SLC5A4: variants seen among roughly 807,000 people sequenced by gnomAD.
SLC5A4 encodes the protein solute carrier family 5 member 4, also known as probable glucose sensor protein SLC5A4.
SLC5A4 carries 55 observed loss-of-function variants against 70.3 expected under a neutral mutation model. That is an observed-to-expected ratio of 0.78 (90% CI 0.63 to 0.98). The LOEUF is 0.98. Among genes scored for constraint, SLC5A4 ranks in the 50% least tolerant of loss-of-function variants. SLC5A4 has a pLI of 0.00. For missense variants in SLC5A4, 735 were observed against 839.2 expected (o/e 0.88, Z 1.53); for synonymous variants, 268 against 305.7 (o/e 0.88, Z 1.29).
At chr22:32,292,161 T>C in the SLC5A4 span, among the ~76,000 whole-genome samples, 6 of 50,512 alleles carry the variant, frequency 1.2e-4, 1 homozygote, top group Non-Finnish European at 4.1e-5. Context: ...ATATTATATA[T>C]ATAATATATA....
At chr22:32,302,250 GTT>G in the SLC5A4 span, among the ~76,000 whole-genome samples, 10 of 107,238 alleles carry the variant, frequency 9.3e-5, no homozygotes, top group Admixed American at 3.0e-4. Context: ...ACTTTTGAGT[GTT>G]TTTTTTTTTT....
At chr22:32,337,307 C>CG in the SLC5A4 span, among the ~76,000 whole-genome samples, 14 of 152,308 alleles carry the variant, frequency 9.2e-5, no homozygotes, top group African/African-American at 2.9e-4. Flanking sequence ...CCAAGGCAGG[C>CG]GGATTGCCTG....
chr22:32,323,259 C>T, the SLC5A4 span, among the ~76,000 whole-genome samples: 17,781 of 152,204 alleles, frequency 0.12, 1,414 homozygotes, highest in Non-Finnish European at 0.18. Context: ...CACCCCCTCC[C>T]CTGCATGCTT....
At chr22:32,257,065 C>T (rs191565076), upstream of SLC5A4, among the ~76,000 whole-genome samples, 1 of 152,332 alleles carries the variant, frequency 6.6e-6, no homozygotes, top group Admixed American at 6.5e-5. Flanking sequence ...ATATCCTCTT[C>T]AATACTTGTC....
the SLC5A4 span, among the ~76,000 whole-genome samples, chr22:32,318,231 A>ATTTTTT: frequency 6.9e-6 from 1 of 144,732 alleles, no homozygotes; most frequent in Non-Finnish European, 1.5e-5. Context: ...GCATATGTTG[A>ATTTTTT]TTTTTTTTTT....
chr22:32,313,424 T>A, the SLC5A4 span, among the ~76,000 whole-genome samples: 321 of 152,294 alleles, frequency 2.1e-3, 4 homozygotes, highest in Non-Finnish European at 4.1e-4. Flanking sequence ...ACAGATACCA[T>A]TCATACTGAC....
In SLC5A4 at chr22:32,251,789, G is replaced by A. The variant is rs756705940; in HGVS notation, c.293C>T (p.Thr98Ile). 20 of 1,610,898 alleles carry A rather than the reference G, an allele frequency of 1.2e-5. No individual in the cohort carries two copies. Among genetic ancestry groups the A allele is most frequent in the Non-Finnish European group, 1.7e-6 (2 of 1,177,186 alleles). Residue 98 changes from threonine (T) to isoleucine (I), a missense_variant, in exon 3 of 15, where the codon ACC (threonine) becomes ATC (isoleucine). Physicochemically the swap from Thr to Ile is moderately conservative, Grantham distance 89. Transcript: ENST00000266086. The stretch of plus-strand genomic sequence containing the variant: ...ACTTACAGTCCATTCAAATGTTACG[G>A]TGGCGACTCCTGAAGCTGCTCCTGT... ...AGTGAASGVA[T>I]VTFEWTSSVM...
chr22:32,253,767 C>G (rs1423763871), intron 2 of SLC5A4, among the ~76,000 whole-genome samples: 6 of 151,602 alleles, frequency 4.0e-5, no homozygotes, highest in Non-Finnish European at 2.9e-5. Context: ...TCAACATTCC[C>G]AATGTTGTCT....
chr22:32,303,829 T>C, the SLC5A4 span, among the ~76,000 whole-genome samples: 1 of 152,210 alleles, frequency 6.6e-6, no homozygotes, highest in East Asian at 1.9e-4. Context: ...GAAGTGTGAA[T>C]GCTGAGTCGG....
At chr22:32,325,594 G>A in the SLC5A4 span, among the ~76,000 whole-genome samples, 10 of 152,364 alleles carry the variant, frequency 6.6e-5, no homozygotes, top group South Asian at 1.2e-3. Context: ...ACCTGATCCC[G>A]AGGCTGTGGG....
the SLC5A4 span, among the ~76,000 whole-genome samples, chr22:32,315,810 AAAAAAG>A: frequency 1.5e-3 from 206 of 133,386 alleles, 2 homozygotes; most frequent in Middle Eastern, 7.7e-3. Context: ...AAAAAAAAAA[AAAAAAG>A]AGACTGGATC....
At chr22:32,322,239 C>T in the SLC5A4 span, among the ~76,000 whole-genome samples, 2 of 152,176 alleles carry the variant, frequency 1.3e-5, no homozygotes, top group Non-Finnish European at 2.9e-5. Flanking sequence ...CGCGTCCTCA[C>T]CTGCCCTCCT....
chr22:32,320,433 C>T, the SLC5A4 span, among the ~76,000 whole-genome samples: 1 of 152,232 alleles, frequency 6.6e-6, no homozygotes, highest in Non-Finnish European at 1.5e-5. Flanking sequence ...AGGTGGGTCA[C>T]AGCAGAAGAT....
intron 3 of SLC5A4, among the ~76,000 whole-genome samples, chr22:32,249,981 T>C (rs1340389386): frequency 6.6e-6 from 1 of 152,194 alleles, no homozygotes; most frequent in Non-Finnish European, 1.5e-5. Flanking sequence ...CTTCTTCTAG[T>C]GTGGTCCAGG....
the SLC5A4 span, among the ~76,000 whole-genome samples, chr22:32,346,370 T>G: frequency 5.3e-5 from 8 of 152,060 alleles, no homozygotes; most frequent in African/African-American, 7.2e-5. Flanking sequence ...AGTTCATATG[T>G]AACCAAAAAA....
intron 11 of SLC5A4, among the ~76,000 whole-genome samples, chr22:32,228,378 T>C (rs185474329): frequency 6.6e-6 from 1 of 152,062 alleles, no homozygotes; most frequent in African/African-American, 2.4e-5. Flanking sequence ...CTATCTCTAC[T>C]AAAAATACAA....
At chr22:32,326,733 A>T in the SLC5A4 span, among the ~76,000 whole-genome samples, 3 of 152,138 alleles carry the variant, frequency 2.0e-5, no homozygotes, top group Non-Finnish European at 4.4e-5. Flanking sequence ...TGCTGACACG[A>T]TAGAGTTGAG....
the SLC5A4 span, among the ~76,000 whole-genome samples, chr22:32,345,454 C>T: frequency 2.0e-5 from 3 of 152,104 alleles, no homozygotes; most frequent in Admixed American, 1.3e-4. Context: ...CTTAAAAATA[C>T]GTAGTTTGCA....
rs115128724 is a variant in SLC5A4 at position 32,250,496 on chromosome 22, G to A, written c.312+1274C>T. ...ACTGCACTCCAGCCTGGGGAACAGAGCAAGGCTGTGGGAGTGCAAATTAGT... is the reference window on the plus strand; with the variant it reads ...ACTGCACTCCAGCCTGGGGAACAGAACAAGGCTGTGGGAGTGCAAATTAGT... On this transcript the variant is annotated intron_variant, in intron 3 of 14. Coordinates refer to ENST00000266086, the MANE Select transcript of SLC5A4 (RefSeq NM_014227.3). Among the ~76,000 whole-genome samples the A allele has an allele frequency of 8.1e-3, 1,236 of 152,318 alleles. 16 individuals are homozygous for A. Among genetic ancestry groups the A allele is most frequent in the African/African-American group, 0.029 (1,188 of 41,564 alleles).
Sources: allele counts gnomAD v4.1 joint callset (sites outside exome capture counted in the v4.1 genomes callset), GRCh38; gene constraint gnomAD v4.1.1; transcripts MANE v1.5; gene names NCBI Gene and HGNC (gene_info 2026-07-23, HGNC 2026-07-21).